The following FYB2 variants were observed in gnomAD, a reference collection of about 807,000 sequenced individuals.
FYB2 encodes the protein FYN-binding protein 2.
In FYB2, 103 loss-of-function variants were observed where a neutral mutation model predicts 94.1. The observed-to-expected ratio is 1.09, with a 90% CI of 0.93 to 1.29. The LOEUF is 1.29. Among genes scored for constraint, FYB2 ranks in the 50% most tolerant of loss-of-function variants. FYB2 has a pLI of 0.00. For synonymous variants in FYB2, 293 were observed against 287.9 expected (o/e 1.02, Z -0.18); for missense variants, 896 against 841.5 (o/e 1.06, Z -0.80).
intron 1 of FYB2, among the ~76,000 whole-genome samples, chr1:56,803,779 C>A (rs2101039838): frequency 6.6e-6 from 1 of 152,320 alleles, no homozygotes; most frequent in South Asian, 2.1e-4. Flanking sequence ...TTTCCTGCAT[C>A]CCATCACAGC....
rs1427737153 is a variant in FYB2, at chr1:56,803,798, C to CA, written c.10-10996dup. 2.0e-5 allele frequency among the ~76,000 whole-genome samples: 3 copies of CA among 152,346 alleles called. No individual in the cohort carries two copies. The East Asian group carries it at 5.8e-4, about 29-fold the overall frequency. On this transcript the variant is annotated intron_variant, in intron 1 of 19. Transcript: ENST00000343433. ...CTGCATCCCATCACAGCCCATGCTT[C>CA]ACCTGCCATCTGGCATGTCCAGAAT...
chr1:56,750,187 A>C (rs1645162808), intron 9 of FYB2, among the ~76,000 whole-genome samples: 1 of 152,100 alleles, frequency 6.6e-6, no homozygotes, highest in Admixed American at 6.6e-5. Flanking sequence ...TAATTTTTCA[A>C]AATAAAAATA....
intron 15 of FYB2, 62 bp downstream of exon 15, chr1:56,737,025 A>T: frequency 8.0e-7 from 1 of 1,247,680 alleles, no homozygotes; most frequent in Non-Finnish European, 1.2e-6. Flanking sequence ...GATCATAATT[A>T]AGAAAGCATC....
In FYB2 at chr1:56,791,991, T is replaced by C. The variant is rs1446406776; in HGVS notation, c.757+65A>G. 22 of 1,506,980 alleles carry C rather than the reference T, an allele frequency of 1.5e-5. No homozygotes were observed. In the Admixed American group the frequency reaches 4.1e-4, roughly 28 times the overall value. 93.4% of individuals were successfully genotyped at this position (1,506,980 alleles called of 1,614,324 possible). A position where few individuals can be genotyped will look rare whatever the true frequency, so the allele number is the denominator to read the frequency against. ...TACATAACCACTCTGAATCAACAGG[T>C]TTTCAAGTAGAAAAACATGATGACA... is the stretch of plus-strand genomic sequence containing the variant. On this transcript the variant is annotated intron_variant, in intron 2 of 19. Transcript: ENST00000343433.
At chr1:56,754,577 G>A (rs1370785648) in intron 7 of FYB2, among the ~76,000 whole-genome samples, 1 of 152,078 alleles carries the variant, frequency 6.6e-6, no homozygotes, top group Non-Finnish European at 1.5e-5. Flanking sequence ...TTATTCACAT[G>A]TGTAACTCCA....
chr1:56,781,821 A>C (rs1646015986), intron 4 of FYB2, among the ~76,000 whole-genome samples: 1 of 152,168 alleles, frequency 6.6e-6, no homozygotes, highest in Non-Finnish European at 1.5e-5. Context: ...CACTTTAGCC[A>C]AGATTCCAAC....
intron 1 of FYB2, among the ~76,000 whole-genome samples, chr1:56,813,997 C>G (rs1308686149): frequency 6.6e-6 from 1 of 152,156 alleles, no homozygotes; most frequent in African/African-American, 2.4e-5. Context: ...TCTCTGGGAT[C>G]TCACAGTCTA....
chr1:56,757,291 C>T (rs1037775405), intron 6 of FYB2, among the ~76,000 whole-genome samples: 1 of 152,018 alleles, frequency 6.6e-6, no homozygotes, highest in South Asian at 2.1e-4. Context: ...AAATAATAAT[C>T]ATTCATATTT....
At chr1:56,809,271 T>C (rs1042798029) in intron 1 of FYB2, among the ~76,000 whole-genome samples, 1 of 152,236 alleles carries the variant, frequency 6.6e-6, no homozygotes, top group Admixed American at 6.5e-5. Context: ...AAGGTATTCT[T>C]CTAGACATGT....
At chr1:56,742,571 G>T (rs534543471) in intron 11 of FYB2, among the ~76,000 whole-genome samples, 1 of 152,040 alleles carries the variant, frequency 6.6e-6, no homozygotes, top group African/African-American at 2.4e-5. Flanking sequence ...CAGGCATTGC[G>T]CTGAATGCTG....
intron 4 of FYB2, among the ~76,000 whole-genome samples, chr1:56,778,627 T>C (rs1645937618): frequency 1.3e-5 from 2 of 152,118 alleles, no homozygotes; most frequent in African/African-American, 2.4e-5. Flanking sequence ...TCTCATGGTC[T>C]AGAAAAACAT....
intron 1 of FYB2, among the ~76,000 whole-genome samples, chr1:56,808,838 TA>T (rs1019347060): frequency 2.0e-5 from 3 of 152,326 alleles, no homozygotes; most frequent in African/African-American, 7.2e-5. Context: ...GAGATTTCAC[TA>T]ATGATCCTTG....
intron 4 of FYB2, among the ~76,000 whole-genome samples, chr1:56,768,266 A>G (rs1220709093): frequency 6.6e-6 from 1 of 152,238 alleles, no homozygotes; most frequent in Non-Finnish European, 1.5e-5. Context: ...GAGACCAGAT[A>G]AAGAGAAATC....
At chr1:56,826,440 C>A in the FYB2 span, 2 of 152,340 alleles carry the variant, frequency 1.3e-5, no homozygotes, top group African/African-American at 2.4e-5. Context: ...CATCACTGGG[C>A]TCCCTATACT....
At chr1:56,802,031 G>T (rs560443711) in intron 1 of FYB2, among the ~76,000 whole-genome samples, 1 of 152,188 alleles carries the variant, frequency 6.6e-6, no homozygotes, top group Non-Finnish European at 1.5e-5. Flanking sequence ...AAGTGAAGGA[G>T]TTAGGATTTT....
At chr1:56,757,434 A>G (rs1345784224) in intron 6 of FYB2, among the ~76,000 whole-genome samples, 2 of 151,262 alleles carry the variant, frequency 1.3e-5, no homozygotes, top group Non-Finnish European at 2.9e-5. Flanking sequence ...GATCCCATTA[A>G]AACACTGGGT....
chr1:56,721,955 G>A (rs1158966696), intron 17 of FYB2, among the ~76,000 whole-genome samples: 4 of 151,956 alleles, frequency 2.6e-5, no homozygotes, highest in Admixed American at 2.6e-4. Flanking sequence ...ATTTGAGCTG[G>A]ACAAAAATTA....
intron 9 of FYB2, among the ~76,000 whole-genome samples, chr1:56,750,190 T>C (rs1216667764): frequency 6.6e-6 from 1 of 151,964 alleles, no homozygotes; most frequent in African/African-American, 2.4e-5. Context: ...TTTTTCAAAA[T>C]AAAAATAAAT....
At chr1:56,822,058 C>G (rs545671607), upstream of FYB2, among the ~76,000 whole-genome samples, 672 of 152,294 alleles carry the variant, frequency 4.4e-3, 2 homozygotes, top group Non-Finnish European at 7.6e-3. Flanking sequence ...GGCCTAAAGC[C>G]AGGAAGGTTC....
Sources: gnomAD v4.1 joint callset for allele counts (sites outside exome capture counted in the v4.1 genomes callset) on GRCh38, gnomAD v4.1.1 for gene constraint, MANE v1.5 for transcripts, NCBI Gene and HGNC (gene_info 2026-07-23, HGNC 2026-07-21) for gene names.